F8: variants seen among roughly 807,000 people sequenced by gnomAD.
F8 encodes coagulation factor VIII.
In F8, 12 loss-of-function variants were observed where a neutral mutation model predicts 140.6. That is an observed-to-expected ratio of 0.09 (90% CI 0.05 to 0.14). The LOEUF is 0.14. Ranked by LOEUF, F8 falls within the 10% of genes least tolerant of loss-of-function variation. F8 has a pLI of 1.00. For synonymous variants in F8, 585 were observed against 614.6 expected (o/e 0.95, Z 0.71); for missense variants, 1,354 against 1,720.7 (o/e 0.79, Z 3.77).
intron 14 of F8, among the ~76,000 whole-genome samples, chrX:154,916,232 T>A (rs1281271091): frequency 8.9e-6 from 1 of 112,250 alleles, no homozygotes; most frequent in Non-Finnish European, 1.9e-5. Flanking sequence ...GATTTTTGCA[T>A]CTATATTCAT....
At chrX:154,989,537 T>A (rs1398399083) in intron 4 of F8, among the ~76,000 whole-genome samples, 1 of 111,911 alleles carries the variant, frequency 8.9e-6, no homozygotes, top group Non-Finnish European at 1.9e-5. Flanking sequence ...TCTTGGCAAT[T>A]TTATATTATT....
At position 154,860,553 on chromosome X, in the gene F8, G is replaced by A; in HGVS notation, c.6779C>T (p.Thr2260Ile). ...QVDFQKTMKV[T>I]GVTTQGVKSL... Reference sequence around the variant, plus strand: ...TTTTACTCCCTGAGTAGTTACTCCTGTGACTTTCATTGTCTTCTGGAAGTC... The same window carrying A: ...TTTTACTCCCTGAGTAGTTACTCCTATGACTTTCATTGTCTTCTGGAAGTC... The change falls in exon 25 of 26, where the codon ACA (threonine) becomes ATA (isoleucine). Residue 2260 changes from threonine (T) to isoleucine (I), a missense_variant. Thr to Ile is a moderately conservative substitution (Grantham distance 89, BLOSUM62 -1). This residue lies in a region of F8 where 316 missense variants were observed against 485.4 expected (regional missense o/e 0.65). Coordinates refer to ENST00000360256, the MANE Select transcript of F8 (RefSeq NM_000132.4). 3 of 1,211,336 alleles carry A rather than the reference G, an allele frequency of 2.5e-6. No individual in the cohort carries two copies.
chrX:154,907,815 G>A (rs2073045958), intron 14 of F8, among the ~76,000 whole-genome samples: 1 of 111,250 alleles, frequency 9.0e-6, no homozygotes, highest in African/African-American at 3.3e-5. Context: ...TGGAGAAGAA[G>A]GACACAGAGA....
At chrX:154,874,349 A>C (rs1344736621) in intron 22 of F8, among the ~76,000 whole-genome samples, 1 of 112,717 alleles carries the variant, frequency 8.9e-6, no homozygotes, top group Non-Finnish European at 1.9e-5. Flanking sequence ...GCTATGACAG[A>C]ATACCACAGA....
chrX:154,898,437 G>C (rs2072993987), intron 21 of F8, among the ~76,000 whole-genome samples: 1 of 112,262 alleles, frequency 8.9e-6, no homozygotes, highest in African/African-American at 3.2e-5. Context: ...AGTGAACAGT[G>C]ACAGTTAATA....
intron 3 of F8, among the ~76,000 whole-genome samples, chrX:154,996,109 T>A (rs1468652405): frequency 8.9e-6 from 1 of 112,358 alleles, no homozygotes; most frequent in Non-Finnish European, 1.9e-5. Flanking sequence ...CACTCGTTTC[T>A]CCACCAATTT....
intron 10 of F8, 54 bp from the exon 11 acceptor site, chrX:154,957,225 T>C (rs1226339790): frequency 1.8e-5 from 17 of 932,339 alleles, no homozygotes; most frequent in Admixed American, 4.4e-5. Context: ...AAGCCACATA[T>C]TGATAATCAT....
At chrX:154,877,407 T>C (rs2072824981) in intron 22 of F8, among the ~76,000 whole-genome samples, 1 of 112,100 alleles carries the variant, frequency 8.9e-6, no homozygotes, top group Non-Finnish European at 1.9e-5. Context: ...GCAATGTTAC[T>C]GGCTTCGAAG....
At chrX:154,899,771 C>T in intron 21 of F8, 95 bp downstream of exon 21, 1 of 850,221 alleles carries the variant, frequency 1.2e-6, no homozygotes, top group Non-Finnish European at 1.7e-6. Context: ...CTTTAGTTTT[C>T]TCATATTCAT....
At chrX:154,853,456 G>A (rs781998066) in intron 25 of F8, among the ~76,000 whole-genome samples, 2 of 111,514 alleles carry the variant, frequency 1.8e-5, no homozygotes, top group African/African-American at 6.5e-5. Flanking sequence ...GATTGTTTCT[G>A]TTCACTTGTA....
chrX:154,996,457 G>A (rs1169914590), intron 3 of F8, among the ~76,000 whole-genome samples: 4 of 111,806 alleles, frequency 3.6e-5, no homozygotes, highest in African/African-American at 1.3e-4. Flanking sequence ...GGTAATAATA[G>A]GTCCTTTTTC....
intron 13 of F8, among the ~76,000 whole-genome samples, chrX:154,933,311 C>T (rs782397757): frequency 9.0e-6 from 1 of 111,589 alleles, no homozygotes; most frequent in Non-Finnish European, 1.9e-5. Flanking sequence ...TTGTAATTCC[C>T]TTGGAGACAC....
In F8 at chrX:154,999,720, T is replaced by C. The variant is rs1333024133; in HGVS notation, c.144-120A>G. On this transcript the variant is annotated intron_variant, in intron 1 of 25. Transcript: ENST00000360256. The stretch of plus-strand genomic sequence containing the variant: ...AAGGAGGCAAATTTGAAGTTGTATA[T>C]AAATCCCTAACATCCATTAAACCGA... 4.8e-6 allele frequency: 4 copies of C among 839,342 alleles called. No individual in the cohort carries two copies. In the African/African-American group the frequency reaches 6.1e-5, roughly 13 times the overall value. The allele number at this position is 839,342 out of a possible 1,213,427, so 69.2% of individuals were successfully genotyped here.
intron 14 of F8, among the ~76,000 whole-genome samples, chrX:154,916,511 C>T (rs1185608361): frequency 5.4e-5 from 6 of 111,679 alleles, no homozygotes; most frequent in Non-Finnish European, 1.1e-4. Flanking sequence ...TCTATTTCCT[C>T]ATAGTTCAAT....
intron 4 of F8, among the ~76,000 whole-genome samples, chrX:154,990,296 A>G (rs1455368495): frequency 6.3e-5 from 7 of 111,373 alleles, no homozygotes; most frequent in Non-Finnish European, 1.3e-4. Flanking sequence ...AATATTTTTG[A>G]TATACCATTG....
At chrX:154,983,968 T>C (rs916603325) in intron 6 of F8, among the ~76,000 whole-genome samples, 1 of 112,096 alleles carries the variant, frequency 8.9e-6, no homozygotes, top group Admixed American at 9.4e-5. Flanking sequence ...GAGAAGCTGG[T>C]TGAACACCTC....
intron 25 of F8, among the ~76,000 whole-genome samples, chrX:154,839,584 G>T (rs1421977042): frequency 9.1e-6 from 1 of 110,337 alleles, no homozygotes; most frequent in African/African-American, 3.3e-5. Context: ...GGATGGTCTT[G>T]ATCTCCTGAC....
At chrX:154,962,614 C>T (rs189207059) in intron 9 of F8, among the ~76,000 whole-genome samples, 84 of 111,917 alleles carry the variant, frequency 7.5e-4, no homozygotes, top group Middle Eastern at 9.2e-3. Context: ...GTGGCTCATG[C>T]CAGCACTTTG....
chrX:154,946,873 CA>C (rs781945404), intron 13 of F8, among the ~76,000 whole-genome samples: 1,119 of 109,557 alleles, frequency 0.01, 15 homozygotes, highest in African/African-American at 0.035. Context: ...TAGTCAATAG[CA>C]AAAAAAACAA....
Sources: gnomAD v4.1 joint callset for allele counts (sites outside exome capture counted in the v4.1 genomes callset) on GRCh38, gnomAD v4.1.1 for gene constraint, gnomAD v4.1.1 regional missense constraint, MANE v1.5 for transcripts, NCBI Gene and HGNC (gene_info 2026-07-23, HGNC 2026-07-21) for gene names.